MGLL: variants seen among roughly 807,000 people sequenced by gnomAD.
MGLL encodes the protein lysophospholipase homolog.
In MGLL, 7 loss-of-function variants were observed where a neutral mutation model predicts 29.1. The observed-to-expected ratio is 0.24, with a 90% CI of 0.14 to 0.45. The LOEUF (loss-of-function observed/expected upper bound fraction) is 0.45, where lower values mean the gene tolerates loss of function less well. Ranked by LOEUF, MGLL falls within the 20% of genes least tolerant of loss-of-function variation. The pLI is 0.99. For missense variants in MGLL, 356 were observed against 413.6 expected (o/e 0.86, Z 1.21); for synonymous variants, 148 against 168.3 (o/e 0.88, Z 0.93).
intron 2 of MGLL, among the ~76,000 whole-genome samples, chr3:127,784,559 G>C (rs2077181923): frequency 1.3e-5 from 2 of 152,120 alleles, no homozygotes; most frequent in Admixed American, 1.3e-4. Flanking sequence ...GGCGGTGGGG[G>C]TCACTGCCAC....
intron 2 of MGLL, among the ~76,000 whole-genome samples, chr3:127,816,498 G>C (rs1223081373): frequency 6.6e-6 from 1 of 152,206 alleles, no homozygotes; most frequent in Non-Finnish European, 1.5e-5. Context: ...AGATGGCTGG[G>C]AGGGGCCCTT....
intron 3 of MGLL, among the ~76,000 whole-genome samples, chr3:127,771,523 AT>A (rs1313114833): frequency 6.6e-6 from 1 of 151,946 alleles, no homozygotes; most frequent in Non-Finnish European, 1.5e-5. Flanking sequence ...AGCACTGCTA[AT>A]TTTTGTGTTT....
chr3:127,767,670 A>C (rs547448649), intron 3 of MGLL, among the ~76,000 whole-genome samples: 1 of 152,384 alleles, frequency 6.6e-6, no homozygotes, highest in South Asian at 2.1e-4. Flanking sequence ...AGAAATTTTG[A>C]AGCAAGTTTA....
chr3:127,727,625 T>G (rs1014768429), intron 3 of MGLL, among the ~76,000 whole-genome samples: 3 of 145,668 alleles, frequency 2.1e-5, no homozygotes, highest in African/African-American at 5.1e-5. Context: ...GGTGAGAGAA[T>G]CGTTTGAGCC....
rs2075337875 is a variant in MGLL, at chr3:127,695,332, A to G, written c.601-142T>C. On this transcript the variant is annotated intron_variant, in intron 6 of 7. Coordinates refer to ENST00000265052, the MANE Select transcript of MGLL (RefSeq NM_007283.7). ...TCAGCTGGGCTTGGGCATGGCTCTG[A>G]AGGCCAGCCGTGTTCATCCACAAAC... 9 of 803,130 alleles carry G rather than the reference A, an allele frequency of 1.1e-5. No homozygotes were observed. The Admixed American group carries it at 1.4e-4, about 12-fold the overall frequency. The allele number at this position is 803,130 out of a possible 1,614,324, so 49.8% of individuals were successfully genotyped here. A position where few individuals can be genotyped will look rare whatever the true frequency, so the allele number is the denominator to read the frequency against.
chr3:127,700,020 A>T (rs2107589088), intron 6 of MGLL, among the ~76,000 whole-genome samples: 1 of 152,106 alleles, frequency 6.6e-6, no homozygotes, highest in Middle Eastern at 3.4e-3. Context: ...CCCTTTTCCT[A>T]CGGAAGCGTC....
At chr3:127,747,790 C>A (rs1222062203) in intron 3 of MGLL, among the ~76,000 whole-genome samples, 1 of 152,182 alleles carries the variant, frequency 6.6e-6, no homozygotes, top group Non-Finnish European at 1.5e-5. Context: ...CAAGGTGACG[C>A]CCAGAAACCG....
chr3:127,706,446 G>A (rs930860466), intron 6 of MGLL, among the ~76,000 whole-genome samples: 3 of 152,198 alleles, frequency 2.0e-5, no homozygotes, highest in Non-Finnish European at 4.4e-5. Context: ...GGATCTGCCT[G>A]TCATGAGCTC....
chr3:127,779,605 G>T (rs1485973167), intron 3 of MGLL, among the ~76,000 whole-genome samples: 1 of 151,920 alleles, frequency 6.6e-6, no homozygotes, highest in Non-Finnish European at 1.5e-5. Flanking sequence ...TGGGCTCCAG[G>T]CCTTATTAAA....
chr3:127,728,163 A>G (rs1235815059), intron 3 of MGLL, among the ~76,000 whole-genome samples: 1 of 152,224 alleles, frequency 6.6e-6, no homozygotes, highest in African/African-American at 2.4e-5. Context: ...TCAGAAATAT[A>G]TTAAAAAATT....
chr3:127,755,156 C>T (rs1259607301), intron 3 of MGLL, among the ~76,000 whole-genome samples: 1 of 152,144 alleles, frequency 6.6e-6, no homozygotes, highest in African/African-American at 2.4e-5. Flanking sequence ...CATTGCTCAA[C>T]CCCAGAGAGA....
chr3:127,822,638 G>A, upstream of MGLL: 3 of 416,410 alleles, frequency 7.2e-6, no homozygotes, highest in Non-Finnish European at 8.6e-6. Context: ...CCGGGAAACT[G>A]GGAAACTAGC....
intron 6 of MGLL, among the ~76,000 whole-genome samples, chr3:127,700,631 C>T (rs2075460882): frequency 6.6e-6 from 1 of 152,190 alleles, no homozygotes; most frequent in Admixed American, 6.5e-5. Flanking sequence ...ATAAGCAAAC[C>T]ATTCCCTAAT....
At chr3:127,773,212 C>T (rs1294469701) in intron 3 of MGLL, among the ~76,000 whole-genome samples, 1 of 152,200 alleles carries the variant, frequency 6.6e-6, no homozygotes, top group Non-Finnish European at 1.5e-5. Context: ...ATGCTGTGGG[C>T]TGCTGCTTAG....
intron 3 of MGLL, among the ~76,000 whole-genome samples, chr3:127,762,389 C>T (rs2076781107): frequency 6.6e-6 from 1 of 152,194 alleles, no homozygotes; most frequent in Non-Finnish European, 1.5e-5. Flanking sequence ...ACAGACTCTG[C>T]CCATTCCCAC....
intron 5 of MGLL, among the ~76,000 whole-genome samples, chr3:127,714,438 G>T (rs909416402): frequency 6.6e-6 from 1 of 152,250 alleles, no homozygotes; most frequent in African/African-American, 2.4e-5. Flanking sequence ...CTGCCAGCAG[G>T]TTCAGGATGA....
intron 5 of MGLL, chr3:127,710,935 G>C: frequency 6.1e-6 from 3 of 494,262 alleles, no homozygotes; most frequent in Non-Finnish European, 1.1e-5. Flanking sequence ...AATTTTGCCC[G>C]CTCTATACCC....
intron 1 of MGLL, 169 bp from the exon 2 acceptor site, chr3:127,822,007 G>T: frequency 1.3e-6 from 1 of 767,688 alleles, no homozygotes; most frequent in Non-Finnish European, 2.0e-6. Flanking sequence ...ACCTCTCCAA[G>T]ACTGAAAAAT....
intron 3 of MGLL, among the ~76,000 whole-genome samples, chr3:127,746,823 GC>G (rs2107663018): frequency 6.6e-6 from 1 of 151,788 alleles, no homozygotes; most frequent in African/African-American, 2.4e-5. Context: ...TCTCCCTCCA[GC>G]CCAGTGCATT....
Sources: allele counts gnomAD v4.1 joint callset (sites outside exome capture counted in the v4.1 genomes callset), GRCh38; gene constraint gnomAD v4.1.1; transcripts MANE v1.5; gene names NCBI Gene and HGNC (gene_info 2026-07-23, HGNC 2026-07-21).